RBFOX1: variants seen among roughly 807,000 people sequenced by gnomAD.
The protein encoded by RBFOX1 is RNA binding fox-1 homolog 1.
In RBFOX1, 8 loss-of-function variants were observed where a neutral mutation model predicts 57.7. That is an observed-to-expected ratio of 0.14 (90% CI 0.08 to 0.25). RBFOX1 has a LOEUF of 0.25. RBFOX1 is among the 10% of genes least tolerant of loss of function. RBFOX1 has a pLI of 1.00. For missense variants in RBFOX1, 611 were observed against 548.5 expected (o/e 1.11, Z -1.14); for synonymous variants, 326 against 222.4 (o/e 1.47, Z -4.15).
At chr16:7,247,048 T>C (rs1048337000) in intron 4 of RBFOX1, among the ~76,000 whole-genome samples, 1 of 152,188 alleles carries the variant, frequency 6.6e-6, no homozygotes, top group Non-Finnish European at 1.5e-5. Flanking sequence ...GTTTAGTGCA[T>C]GTGTCTGTAG....
chr16:5,727,465 T>G (rs12920763), intron 3 of RBFOX1, among the ~76,000 whole-genome samples: 35,117 of 152,150 alleles, frequency 0.23, 5,492 homozygotes, highest in East Asian at 0.66. Flanking sequence ...ACATACCCAT[T>G]ACCTGACATA....
intron 3 of RBFOX1, among the ~76,000 whole-genome samples, chr16:6,970,042 G>T (rs1354875376): frequency 6.6e-6 from 1 of 151,920 alleles, no homozygotes. Flanking sequence ...GATGGGCATG[G>T]TGGCATACAC....
chr16:7,271,280 C>G (rs1374533129), intron 4 of RBFOX1, among the ~76,000 whole-genome samples: 1 of 151,840 alleles, frequency 6.6e-6, no homozygotes, highest in East Asian at 1.9e-4. Flanking sequence ...TATGTGAGAA[C>G]ATTCACAGGC....
chr16:7,620,242 T>A (rs2059105272), intron 10 of RBFOX1, among the ~76,000 whole-genome samples: 1 of 152,228 alleles, frequency 6.6e-6, no homozygotes, highest in African/African-American at 2.4e-5. Context: ...ATGCCATAGT[T>A]GTAATCCTCA....
chr16:6,064,949 A>G (rs1250101837), intron 1 of RBFOX1, among the ~76,000 whole-genome samples: 1 of 151,850 alleles, frequency 6.6e-6, no homozygotes, highest in Non-Finnish European at 1.5e-5. Flanking sequence ...AGTAAGACCC[A>G]GTATCTGTAA....
intron 2 of RBFOX1, among the ~76,000 whole-genome samples, chr16:5,550,578 C>T (rs1322720908): frequency 6.6e-6 from 1 of 152,156 alleles, no homozygotes. Context: ...AAAATGTAGT[C>T]ATTGACATGA....
At chr16:7,331,491 A>T (rs188992492) in intron 4 of RBFOX1, among the ~76,000 whole-genome samples, 1 of 152,158 alleles carries the variant, frequency 6.6e-6, no homozygotes, top group Non-Finnish European at 1.5e-5. Context: ...AAGACTGACA[A>T]TTTGATTGTT....
At chr16:6,154,990 A>G (rs1347808015) in intron 1 of RBFOX1, among the ~76,000 whole-genome samples, 2 of 152,362 alleles carry the variant, frequency 1.3e-5, no homozygotes, top group East Asian at 1.9e-4. Flanking sequence ...AATATTCTCA[A>G]TGCTTCCATT....
At chr16:5,517,802 A>T (rs1172885659) in intron 2 of RBFOX1, among the ~76,000 whole-genome samples, 3 of 152,202 alleles carry the variant, frequency 2.0e-5, no homozygotes, top group Non-Finnish European at 4.4e-5. Flanking sequence ...GGTGCTGGAT[A>T]TATGGTGTAG....
At chr16:6,721,096 T>A (rs1291919213) in intron 3 of RBFOX1, among the ~76,000 whole-genome samples, 1 of 152,058 alleles carries the variant, frequency 6.6e-6, no homozygotes, top group Non-Finnish European at 1.5e-5. Context: ...CAGTGTTTGC[T>A]TTATGTAACC....
chr16:6,820,543 C>G (rs890973850), intron 3 of RBFOX1, among the ~76,000 whole-genome samples: 2 of 151,910 alleles, frequency 1.3e-5, no homozygotes, highest in Non-Finnish European at 2.9e-5. Flanking sequence ...CCTATAGTCT[C>G]AGCTACTTGG....
chr16:7,653,894 G>A lies in RBFOX1; in HGVS notation c.837G>A (p.Val279=). The A allele has an allele frequency of 1.3e-6, 2 of 1,598,630 alleles. No individual in the cohort carries two copies. Among genetic ancestry groups the A allele is most frequent in the African/African-American group, 1.3e-5 (1 of 74,782 alleles). The change falls in exon 12 of 16, where the codon GTG becomes GTA. Residue 279 remains valine (V), a synonymous_variant. Transcript: ENST00000550418. ...GAHLRGRGRT[V]YNTFRAAAPP... ...ACCTGCGAGGCCGCGGTCGCACCGTGTACAACACCTTCAGGGCCGCGGCGC... is the reference window on the plus strand; with the variant it reads ...ACCTGCGAGGCCGCGGTCGCACCGTATACAACACCTTCAGGGCCGCGGCGC...
At chr16:5,900,163 T>C (rs762998500) in intron 4 of RBFOX1, among the ~76,000 whole-genome samples, 22 of 152,218 alleles carry the variant, frequency 1.4e-4, no homozygotes, top group African/African-American at 2.7e-4. Flanking sequence ...GTTTATTGAC[T>C]AATATCTAAG....
In RBFOX1 at chr16:5,639,221, T is replaced by TTCA. The variant is rs550069067; in HGVS notation, c.318+40263_318+40265dup. On this transcript the variant is annotated intron_variant, in intron 3 of 19. Coordinates refer to the RBFOX1 transcript ENST00000641259. ...ACGTTCTAGAATTGTGTGCACACAT[T>TTCA]TCATCTATGTACGTAAGGGAATGCC... 5.3e-5 allele frequency among the ~76,000 whole-genome samples: 8 copies of TTCA among 152,326 alleles called. No homozygotes were observed. The South Asian group carries it at 1.7e-3, about 32-fold the overall frequency.
In RBFOX1 at chr16:6,941,430, T is replaced by G. The variant is rs540833618; in HGVS notation, c.-15-110627T>G. On this transcript the variant is annotated intron_variant, in intron 3 of 15. Coordinates refer to ENST00000550418, the MANE Select transcript of RBFOX1 (RefSeq NM_018723.4). ...CTCATTTGGAATATTAGGAAATCCC[T>G]AATTTAAAATAAACACCAAAGTCCT... is the stretch of plus-strand genomic sequence containing the variant. 2.8e-3 allele frequency among the ~76,000 whole-genome samples: 429 copies of G among 151,748 alleles called. 1 individual carries two copies. The highest frequency in any genetic ancestry group is 9.9e-3 in the African/African-American group (410 of 41,380).
intron 2 of RBFOX1, among the ~76,000 whole-genome samples, chr16:6,596,155 C>G (rs1171291975): frequency 1.3e-5 from 2 of 152,010 alleles, no homozygotes; most frequent in South Asian, 4.2e-4. Flanking sequence ...ATTGCTTATT[C>G]TTTTGGTGTC....
rs1244195999 is a variant in RBFOX1 at position 6,866,504 on chromosome 16, T to TA, written c.-15-185542dup. 4.5e-3 allele frequency among the ~76,000 whole-genome samples: 654 copies of TA among 145,238 alleles called. 2 individuals are homozygous for TA. Among genetic ancestry groups the TA allele is most frequent in the Non-Finnish European group, 6.0e-3 (397 of 66,240 alleles). The stretch of plus-strand genomic sequence containing the variant: ...AGTGTGTTTCACAAAGGACTTTTTT[T>TA]AAAAAAAAAAATAAGGTTAGGGCTT... On this transcript the variant is annotated intron_variant, in intron 3 of 15. Coordinates refer to ENST00000550418, the MANE Select transcript of RBFOX1 (RefSeq NM_018723.4).
At chr16:6,524,824 C>A (rs2096556621) in intron 2 of RBFOX1, among the ~76,000 whole-genome samples, 1 of 152,144 alleles carries the variant, frequency 6.6e-6, no homozygotes, top group East Asian at 1.9e-4. Flanking sequence ...CATCACCTGG[C>A]TCCTTCTCTG....
chr16:5,246,694 A>G lies in RBFOX1; in HGVS notation c.219+6589A>G, dbSNP rs191115416. Among the ~76,000 whole-genome samples the G allele has an allele frequency of 5.8e-3, 860 of 148,118 alleles. 3 individuals are homozygous for G. Among genetic ancestry groups the G allele is most frequent in the Middle Eastern group, 0.011 (3 of 284 alleles). On this transcript the variant is annotated intron_variant, in intron 1 of 2. Coordinates refer to the RBFOX1 transcript ENST00000585867. ...TTTTCTTTCTTTTTTTTTTTTTGAG[A>G]CAATCTCATTCTATTGCCCAGGCTG... is the stretch of plus-strand genomic sequence containing the variant.
Sources: allele counts gnomAD v4.1 joint callset (sites outside exome capture counted in the v4.1 genomes callset), GRCh38; gene constraint gnomAD v4.1.1; transcripts MANE v1.5; gene names NCBI Gene and HGNC (gene_info 2026-07-23, HGNC 2026-07-21).